PLAGL1: variants seen among roughly 807,000 people sequenced by gnomAD.
PLAGL1 encodes the protein PLAG1 like zinc finger 1.
A neutral mutation model predicts 4.6 loss-of-function variants in PLAGL1; 1 was observed. The observed-to-expected ratio is 0.22, with a 90% CI of 0.08 to 1.03. The LOEUF is 1.03. PLAGL1 is among the 50% of genes least tolerant of loss of function. The probability of loss-of-function intolerance (pLI) is 0.58; values close to 1 mark genes in which losing one functional copy is unlikely to be tolerated. For missense variants in PLAGL1, 464 were observed against 570.4 expected (o/e 0.81, Z 1.90); for synonymous variants, 240 against 237.8 (o/e 1.01, Z -0.08).
At chr6:144,058,337 C>T (rs560772536) in intron 1 of PLAGL1, among the ~76,000 whole-genome samples, 5 of 152,232 alleles carry the variant, frequency 3.3e-5, no homozygotes, top group African/African-American at 4.8e-5. Context: ...CTGAGGGATC[C>T]GTCCCCATGA....
At chr6:144,057,776 A>T (rs1332481838) in intron 1 of PLAGL1, among the ~76,000 whole-genome samples, 3 of 137,216 alleles carry the variant, frequency 2.2e-5, no homozygotes, top group Non-Finnish European at 4.7e-5. Context: ...ACGCCTCACC[A>T]TTTTTTTTTT....
intron 1 of PLAGL1, among the ~76,000 whole-genome samples, chr6:144,025,699 G>A (rs1796288903): frequency 6.6e-6 from 1 of 152,038 alleles, no homozygotes. Context: ...AGACCAGCCT[G>A]GCCAATATGG....
At position 144,039,638 on chromosome 6, in the gene PLAGL1, A is replaced by C. The variant is rs1797564541; in HGVS notation, c.-151+24830T>G. On this transcript the variant is annotated intron_variant, in intron 1 of 3. Transcript: ENST00000437412. This position sits in a 1 kb window ranked among gnomAD's most constrained non-coding sequence, Gnocchi z 4.1. Reference sequence around the variant, plus strand: ...TGCCATTTTACACCCCAAAAATGAAAAGGTTGACAAGGAGAGATTTACACT... The same window carrying C: ...TGCCATTTTACACCCCAAAAATGAACAGGTTGACAAGGAGAGATTTACACT... Among the ~76,000 whole-genome samples, 1 of 152,174 alleles carries C rather than the reference A, an allele frequency of 6.6e-6. No homozygotes were observed. Among genetic ancestry groups the C allele is most frequent in the African/African-American group, 2.4e-5 (1 of 41,442 alleles).
rs1374915081 is a variant in PLAGL1, at chr6:144,036,928, C to T, written c.-151+27540G>A. On this transcript the variant is annotated intron_variant, in intron 1 of 3. Transcript: ENST00000437412. The surrounding 1 kb of genome is among the most constrained non-coding windows in gnomAD (Gnocchi z 5.1). ...GACATTGCTGTGATGAATTATATGCCCTGGAGAGAGGCAGAAAGTGATTAC... is the reference window on the plus strand; with the variant it reads ...GACATTGCTGTGATGAATTATATGCTCTGGAGAGAGGCAGAAAGTGATTAC... The T allele has an allele frequency of 5.1e-6, 1 of 194,890 alleles. No individual in the cohort carries two copies. Among genetic ancestry groups the T allele is most frequent in the African/African-American group, 2.4e-5 (1 of 42,096 alleles). 12.1% of individuals were successfully genotyped at this position (194,890 alleles called of 1,614,324 possible). A position where few individuals can be genotyped will look rare whatever the true frequency, so the allele number is the denominator to read the frequency against.
At chr6:143,999,093 G>C (rs1344053824) in intron 1 of PLAGL1, among the ~76,000 whole-genome samples, 1 of 152,156 alleles carries the variant, frequency 6.6e-6, no homozygotes, top group African/African-American at 2.4e-5. Context: ...GGTGACAAGG[G>C]CCTAAACCAA....
rs546395853 is a variant in PLAGL1 at position 143,953,115 on chromosome 6, A to G, written c.-324-4655T>C. Among the ~76,000 whole-genome samples, 12 of 152,318 alleles carry G rather than the reference A, an allele frequency of 7.9e-5. No individual in the cohort carries two copies. The highest frequency in any genetic ancestry group is 2.6e-4 in the African/African-American group (11 of 41,566). ...CCTGGGAACCCTTGTCTACCTGGCAAACTTCTACTTTTCTCTGTCACTGCC... is the reference window on the plus strand; with the variant it reads ...CCTGGGAACCCTTGTCTACCTGGCAGACTTCTACTTTTCTCTGTCACTGCC... On this transcript the variant is annotated intron_variant, in intron 6 of 7. Coordinates refer to ENST00000674357, the MANE Select transcript of PLAGL1 (RefSeq NM_001317162.2). This position sits in a 1 kb window ranked among gnomAD's most constrained non-coding sequence, Gnocchi z 5.3.
rs1477204152 is a variant in PLAGL1 at position 143,979,315 on chromosome 6, CCTTTT to C, written c.-544+5815_-544+5819del. ...TGTGTATTAAATCTGACATTCTTTGCCTTTTAATTATGACAGTTAGACCATTTATG... is the reference window on the plus strand; with the variant it reads ...TGTGTATTAAATCTGACATTCTTTGCAATTATGACAGTTAGACCATTTATG... On this transcript the variant is annotated intron_variant, in intron 2 of 7. Coordinates refer to ENST00000674357, the MANE Select transcript of PLAGL1 (RefSeq NM_001317162.2). This position sits in a 1 kb window ranked among gnomAD's most constrained non-coding sequence, Gnocchi z 4.6. Among the ~76,000 whole-genome samples, 5 of 151,468 alleles carry C rather than the reference CCTTTT, an allele frequency of 3.3e-5. No individual in the cohort carries two copies. The highest frequency in any genetic ancestry group is 1.3e-4 in the Admixed American group (2 of 15,190).
At position 144,048,794 on chromosome 6, in the gene PLAGL1, C is replaced by T. The variant is rs1332001754; in HGVS notation, c.-151+15674G>A. On this transcript the variant is annotated intron_variant, in intron 1 of 3. Coordinates refer to the PLAGL1 transcript ENST00000437412. The surrounding 1 kb of genome is among the most constrained non-coding windows in gnomAD (Gnocchi z 4.8). ...CATCATCTTGGCTATTAATATGTGG[C>T]TCCTCATTACTCATGCAAATTTCTG... Among the ~76,000 whole-genome samples, 1 of 152,206 alleles carries T rather than the reference C, an allele frequency of 6.6e-6. No individual in the cohort carries two copies. The highest frequency in any genetic ancestry group is 2.4e-5 in the African/African-American group (1 of 41,460).
In PLAGL1 at chr6:143,962,628, C is replaced by G. The variant is rs771902861; in HGVS notation, c.-398-2086G>C. Among the ~76,000 whole-genome samples, 1 of 152,234 alleles carries G rather than the reference C, an allele frequency of 6.6e-6. No individual in the cohort carries two copies. The highest frequency in any genetic ancestry group is 1.5e-5 in the Non-Finnish European group (1 of 68,046). ...TTTTCTAGGCATTTGCTTCTGAGAA[C>G]AGCATTTAAGAACCCGTCTTTTTCT... On this transcript the variant is annotated intron_variant, in intron 5 of 7. Coordinates refer to ENST00000674357, the MANE Select transcript of PLAGL1 (RefSeq NM_001317162.2). This position sits in a 1 kb window ranked among gnomAD's most constrained non-coding sequence, Gnocchi z 5.3.
chr6:143,979,577 T>C lies in PLAGL1; in HGVS notation c.-544+5558A>G, dbSNP rs1207035373. The stretch of plus-strand genomic sequence containing the variant: ...TACTTCCAAGGGATATACCAGTTCA[T>C]GTAGAGTATAAAAACTTTATAGTTA... On this transcript the variant is annotated intron_variant, in intron 2 of 7. Transcript: ENST00000674357. The surrounding 1 kb of genome is among the most constrained non-coding windows in gnomAD (Gnocchi z 4.6). Among the ~76,000 whole-genome samples the C allele has an allele frequency of 3.3e-5, 5 of 152,150 alleles. No homozygotes were observed. In the East Asian group the frequency reaches 7.7e-4, roughly 23 times the overall value.
rs926326806 is a variant in PLAGL1, at chr6:143,972,025, G to C, written c.-543-3047C>G. ...TGACAAACTTGCTAAAGCAAAAAAG[G>C]GCATAATAGTTCTCTGCAGAGGAAG... On this transcript the variant is annotated intron_variant, in intron 2 of 7. Coordinates refer to ENST00000674357, the MANE Select transcript of PLAGL1 (RefSeq NM_001317162.2). The surrounding 1 kb of genome is among the most constrained non-coding windows in gnomAD (Gnocchi z 6.8). 3.3e-5 allele frequency among the ~76,000 whole-genome samples: 5 copies of C among 152,160 alleles called. No homozygotes were observed. The highest frequency in any genetic ancestry group is 7.3e-5 in the Non-Finnish European group (5 of 68,028).
At chr6:144,046,944 G>A (rs1037831876) in intron 1 of PLAGL1, among the ~76,000 whole-genome samples, 2 of 152,200 alleles carry the variant, frequency 1.3e-5, no homozygotes, top group Admixed American at 6.5e-5. Flanking sequence ...CTCACAGTTC[G>A]ATCTCAGACT....
rs1039553830 is a variant in PLAGL1 at position 144,050,859 on chromosome 6, C to T, written c.-151+13609G>A. On this transcript the variant is annotated intron_variant, in intron 1 of 3. Transcript: ENST00000437412. The surrounding 1 kb of genome is among the most constrained non-coding windows in gnomAD (Gnocchi z 4.3). Reference sequence around the variant, plus strand: ...CTGTAGTAAACTACAATTGTGCCACCACACTCCAACCTAGGTGACAAAGCA... The same window carrying T: ...CTGTAGTAAACTACAATTGTGCCACTACACTCCAACCTAGGTGACAAAGCA... 6.6e-6 allele frequency among the ~76,000 whole-genome samples: 1 copy of T among 152,092 alleles called. No homozygotes were observed. Among genetic ancestry groups the T allele is most frequent in the Non-Finnish European group, 1.5e-5 (1 of 68,016 alleles).
rs1798507303 is a variant in PLAGL1, at chr6:144,050,556, T to C, written c.-151+13912A>G. Among the ~76,000 whole-genome samples the C allele has an allele frequency of 6.6e-6, 1 of 152,232 alleles. No individual in the cohort carries two copies. Among genetic ancestry groups the C allele is most frequent in the Admixed American group, 6.5e-5 (1 of 15,278 alleles). On this transcript the variant is annotated intron_variant, in intron 1 of 3. Transcript: ENST00000437412. This position sits in a 1 kb window ranked among gnomAD's most constrained non-coding sequence, Gnocchi z 4.3. Reference sequence around the variant, plus strand: ...ATAGGCTTATTCTAGGGAATAAATATCTTATTCCTGCCTTGCAAAGAATAA... The same window carrying C: ...ATAGGCTTATTCTAGGGAATAAATACCTTATTCCTGCCTTGCAAAGAATAA...
At position 143,963,710 on chromosome 6, in the gene PLAGL1, T is replaced by A. The variant is rs1583239376; in HGVS notation, c.-399+1077A>T. On this transcript the variant is annotated intron_variant, in intron 5 of 7. Transcript: ENST00000674357. The surrounding 1 kb of genome is among the most constrained non-coding windows in gnomAD (Gnocchi z 6.1). ...CTTAGAAGCTCTGCAGTCTAGATTG[T>A]TCTCAGAGATTAAGCTTTACAACTT... Among the ~76,000 whole-genome samples, 3 of 152,326 alleles carry A rather than the reference T, an allele frequency of 2.0e-5. No homozygotes were observed. Among genetic ancestry groups the A allele is most frequent in the Non-Finnish European group, 4.4e-5 (3 of 68,030 alleles).
At chr6:144,033,913 G>C (rs977795264) in intron 1 of PLAGL1, among the ~76,000 whole-genome samples, 6 of 152,138 alleles carry the variant, frequency 3.9e-5, no homozygotes, top group African/African-American at 1.2e-4. Flanking sequence ...AATGAGACTT[G>C]AACATAAAAG....
At chr6:143,946,952 T>C (rs190800597) in intron 7 of PLAGL1, among the ~76,000 whole-genome samples, 171 of 152,334 alleles carry the variant, frequency 1.1e-3, no homozygotes, top group African/African-American at 3.6e-3. Flanking sequence ...AGCCACTGCA[T>C]GTACATGGAG....
chr6:143,996,437 T>C (rs1298702806), intron 1 of PLAGL1, among the ~76,000 whole-genome samples: 1 of 152,192 alleles, frequency 6.6e-6, no homozygotes, highest in Non-Finnish European at 1.5e-5. Context: ...CTTCCTTTCT[T>C]TCTTTGTAAT....
chr6:144,052,887 C>G (rs1035212113), intron 1 of PLAGL1, among the ~76,000 whole-genome samples: 4 of 152,032 alleles, frequency 2.6e-5, no homozygotes, highest in Admixed American at 1.3e-4. Context: ...CCTCTTAGAA[C>G]AAAAATGTAA....
Sources: gnomAD v4.1 joint callset for allele counts (sites outside exome capture counted in the v4.1 genomes callset) on GRCh38, gnomAD v4.1.1 for gene constraint, Gnocchi (gnomAD v3.1) non-coding constraint, MANE v1.5 for transcripts, NCBI Gene and HGNC (gene_info 2026-07-23, HGNC 2026-07-21) for gene names.